Variants in DLG2 observed in about 807,000 individuals in gnomAD.
DLG2 encodes the protein discs large MAGUK scaffold protein 2.
Under a neutral mutation model 132.5 loss-of-function variants are expected in DLG2, and 45 were observed. That is an observed-to-expected ratio of 0.34 (90% CI 0.27 to 0.44). DLG2 has a LOEUF of 0.44. Among genes scored for constraint, DLG2 ranks in the 20% least tolerant of loss-of-function variants. The probability of loss-of-function intolerance (pLI) is 1.00; values close to 1 mark genes in which losing one functional copy is unlikely to be tolerated. For synonymous variants in DLG2, 424 were observed against 419.6 expected, an observed-to-expected ratio of 1.01 and a Z score of -0.13; for missense variants, 1,045 against 1,196.9, an observed-to-expected ratio of 0.87 and a Z score of 1.87.
rs78581181 is a variant in DLG2, at chr11:84,269,694, C to T, written c.520-18403G>A. Among the ~76,000 whole-genome samples the T allele has an allele frequency of 2.1e-3, 318 of 152,264 alleles. 5 individuals are homozygous for T. The East Asian group carries it at 0.046, about 22-fold the overall frequency. On this transcript the variant is annotated intron_variant, in intron 7 of 27. Transcript: ENST00000376104. ...AATAAGTTTTTCTGAGATGAATGAA[C>T]GAATGAATTAATAGTATTGCGACTT...
intron 6 of DLG2, among the ~76,000 whole-genome samples, chr11:85,055,112 T>A (rs560033647): frequency 3.9e-5 from 6 of 152,272 alleles, no homozygotes; most frequent in African/African-American, 1.4e-4. Flanking sequence ...ATTAATTAGA[T>A]GAATGAGTGA....
chr11:85,363,011 A>T (rs942124008), intron 3 of DLG2, among the ~76,000 whole-genome samples: 6 of 152,228 alleles, frequency 3.9e-5, no homozygotes, highest in Admixed American at 3.9e-4. Context: ...ACACACTGTC[A>T]CAGAAGATGC....
intron 18 of DLG2, among the ~76,000 whole-genome samples, chr11:83,664,711 T>C (rs558300277): frequency 1.3e-5 from 2 of 152,322 alleles, no homozygotes; most frequent in African/African-American, 4.8e-5. Context: ...CACCCTTCCT[T>C]AAAATGTCTG....
chr11:84,735,610 G>T (rs1230285015), intron 6 of DLG2, among the ~76,000 whole-genome samples: 13 of 152,024 alleles, frequency 8.6e-5, no homozygotes, highest in Admixed American at 8.5e-4. Flanking sequence ...TTGAATTTTT[G>T]AAGGATTTTT....
chr11:85,124,057 C>T (rs925907908), intron 5 of DLG2, among the ~76,000 whole-genome samples: 21 of 152,104 alleles, frequency 1.4e-4, no homozygotes, highest in Non-Finnish European at 2.4e-4. Context: ...TGTCAGACTC[C>T]CAGAAATGAG....
At chr11:84,303,250 CT>C (rs1287600662) in intron 7 of DLG2, among the ~76,000 whole-genome samples, 1 of 152,104 alleles carries the variant, frequency 6.6e-6, no homozygotes, top group Non-Finnish European at 1.5e-5. Context: ...ACATAATCAA[CT>C]TTAGAGCTAG....
chr11:84,114,885 G>A (rs996751863), intron 9 of DLG2, among the ~76,000 whole-genome samples: 2 of 136,758 alleles, frequency 1.5e-5, no homozygotes, highest in African/African-American at 5.5e-5. Flanking sequence ...GCCCAGCCTT[G>A]TCTCGAACTC....
chr11:83,577,545 G>T (rs1458167558), intron 19 of DLG2, among the ~76,000 whole-genome samples: 2 of 79,176 alleles, frequency 2.5e-5, no homozygotes, highest in Non-Finnish European at 4.4e-5. Flanking sequence ...TCCCTAGAGG[G>T]ACAGAATTAA....
chr11:83,890,962 A>G (rs980330405), intron 15 of DLG2, among the ~76,000 whole-genome samples: 1 of 152,202 alleles, frequency 6.6e-6, no homozygotes, highest in African/African-American at 2.4e-5. Flanking sequence ...ATACTGAGAA[A>G]GGAATATAAG....
Position 84,693,959 on chromosome 11 carries a change from T to G in DLG2, c.358-159228A>C, listed in dbSNP as rs1175007139. ...CTCCTCTCTATGGGTTTTTTGTTCA[T>G]GGCGCCATGATTAATGCTTTTGTCA... On this transcript the variant is annotated intron_variant, in intron 6 of 27. Transcript: ENST00000376104. 3.3e-5 allele frequency among the ~76,000 whole-genome samples: 5 copies of G among 151,810 alleles called. No individual in the cohort carries two copies. In the East Asian group the frequency reaches 9.7e-4, roughly 29 times the overall value.
intron 6 of DLG2, among the ~76,000 whole-genome samples, chr11:84,567,626 A>G (rs547724003): frequency 1.3e-5 from 2 of 152,352 alleles, no homozygotes; most frequent in Non-Finnish European, 2.9e-5. Context: ...CCATACTGTT[A>G]AAGTACAAAC....
chr11:83,509,626 C>T (rs748835016), intron 21 of DLG2, among the ~76,000 whole-genome samples: 3 of 152,080 alleles, frequency 2.0e-5, no homozygotes, highest in Admixed American at 6.5e-5. Context: ...TAACCTTGCT[C>T]GCATTTCAAG....
At chr11:85,353,995 A>G (rs1302767804) in intron 3 of DLG2, among the ~76,000 whole-genome samples, 2 of 152,092 alleles carry the variant, frequency 1.3e-5, no homozygotes, top group African/African-American at 4.8e-5. Context: ...AATTAAAAAA[A>G]AAAGAAATTC....
intron 8 of DLG2, among the ~76,000 whole-genome samples, chr11:84,237,755 CAGCCGGGCATGGT>C (rs1025631808): frequency 2.7e-5 from 4 of 147,472 alleles, no homozygotes; most frequent in Non-Finnish European, 4.5e-5. Context: ...AGGAAAGACA[CAGCCGGGCATGGT>C]GGCTTATGCC....
intron 6 of DLG2, among the ~76,000 whole-genome samples, chr11:84,928,624 C>A (rs1266086603): frequency 6.6e-6 from 1 of 151,748 alleles, no homozygotes; most frequent in African/African-American, 2.4e-5. Context: ...CTAGAACTTC[C>A]CTAGTATTTC....
intron 7 of DLG2, among the ~76,000 whole-genome samples, chr11:84,311,258 C>A (rs551402906): frequency 6.6e-6 from 1 of 152,202 alleles, no homozygotes; most frequent in South Asian, 2.1e-4. Flanking sequence ...TGATGAATTT[C>A]CTGGACAGTA....
At chr11:84,219,889 T>G (rs1048783518) in intron 8 of DLG2, among the ~76,000 whole-genome samples, 51 of 152,352 alleles carry the variant, frequency 3.3e-4, no homozygotes, top group East Asian at 1.9e-4. Context: ...TACTGTAACT[T>G]GGTTCTTATT....
At chr11:85,296,394 T>C (rs1271579010) in intron 3 of DLG2, among the ~76,000 whole-genome samples, 2 of 151,394 alleles carry the variant, frequency 1.3e-5, no homozygotes, top group Non-Finnish European at 2.9e-5. Context: ...ATCCCTCTCA[T>C]CTCCTCAAAT....
chr11:84,165,237 C>T (rs2095634883), intron 8 of DLG2, among the ~76,000 whole-genome samples: 1 of 152,020 alleles, frequency 6.6e-6, no homozygotes. Context: ...AAACAACTTC[C>T]AAGAGAGAAA....
Sources: gnomAD v4.1 joint callset for allele counts (sites outside exome capture counted in the v4.1 genomes callset) on GRCh38, gnomAD v4.1.1 for gene constraint, MANE v1.5 for transcripts, NCBI Gene and HGNC (gene_info 2026-07-23, HGNC 2026-07-21) for gene names.